Variants in DCC observed in about 807,000 individuals in gnomAD.
DCC encodes DCC netrin 1 receptor.
DCC carries 58 observed loss-of-function variants against 172.5 expected under a neutral mutation model. The ratio of observed to expected loss-of-function variants is 0.34; its 90% confidence interval spans 0.27 to 0.42. The LOEUF is 0.42. Among genes scored for constraint, DCC ranks in the 10% least tolerant of loss-of-function variants. The pLI, the probability that DCC is intolerant of heterozygous loss-of-function variation, is 1.00. For synonymous variants in DCC, 709 were observed against 644.5 expected (o/e 1.10, Z -1.52); for missense variants, 1,740 against 1,791.0 (o/e 0.97, Z 0.51).
At chr18:53,299,586 C>T (rs147636874) in intron 12 of DCC, among the ~76,000 whole-genome samples, 324 of 152,272 alleles carry the variant, frequency 2.1e-3, no homozygotes, top group African/African-American at 7.5e-3. Flanking sequence ...CTACTATAAA[C>T]CTTAGCATGT....
chr18:53,514,372 T>TAAC (rs759984323), intron 27 of DCC, among the ~76,000 whole-genome samples: 84 of 151,908 alleles, frequency 5.5e-4, no homozygotes, highest in Non-Finnish European at 1.0e-3. Context: ...ATTGACACCC[T>TAAC]AACATCACCA....
intron 2 of DCC, among the ~76,000 whole-genome samples, chr18:52,758,234 CAT>C (rs558907094): frequency 2.0e-5 from 3 of 152,276 alleles, no homozygotes; most frequent in South Asian, 4.1e-4. Context: ...AAAATAAGCT[CAT>C]AAATAATGAT....
intron 13 of DCC, among the ~76,000 whole-genome samples, chr18:53,311,534 A>C (rs1413722970): frequency 1.3e-5 from 2 of 152,200 alleles, no homozygotes; most frequent in African/African-American, 4.8e-5. Flanking sequence ...CTAACTCCTC[A>C]TTATGTGCTC....
chr18:52,566,552 C>G (rs1330595324), intron 1 of DCC, among the ~76,000 whole-genome samples: 1 of 152,088 alleles, frequency 6.6e-6, no homozygotes, highest in Non-Finnish European at 1.5e-5. Flanking sequence ...TTAATGTAAA[C>G]TGACCCAGGT....
chr18:53,374,378 A>G (rs2058088700), intron 15 of DCC, among the ~76,000 whole-genome samples: 1 of 152,222 alleles, frequency 6.6e-6, no homozygotes, highest in African/African-American at 2.4e-5. Context: ...GCAACAGTGC[A>G]CAAATAGATG....
At chr18:53,398,150 TG>T (rs1283186511) in intron 18 of DCC, among the ~76,000 whole-genome samples, 1 of 152,110 alleles carries the variant, frequency 6.6e-6, no homozygotes. Flanking sequence ...GTTTTTTTGA[TG>T]GGTTTCATAA....
chr18:53,394,539 A>G (rs1184412941), intron 17 of DCC, among the ~76,000 whole-genome samples: 3 of 152,132 alleles, frequency 2.0e-5, no homozygotes. Flanking sequence ...GATGTTTTAT[A>G]TGAATTTCTA....
intron 27 of DCC, among the ~76,000 whole-genome samples, chr18:53,509,655 GCCTGTA>G (rs2046226157): frequency 6.6e-6 from 1 of 152,216 alleles, no homozygotes; most frequent in African/African-American, 2.4e-5. Context: ...CTGTGGGTGT[GCCTGTA>G]CATTTTTCTA....
intron 25 of DCC, among the ~76,000 whole-genome samples, chr18:53,472,319 T>A (rs2045706927): frequency 6.6e-6 from 1 of 152,136 alleles, no homozygotes; most frequent in Non-Finnish European, 1.5e-5. Flanking sequence ...ACTCAAAAGG[T>A]CTGATTTCAG....
chr18:52,480,252 C>T (rs895504885), intron 1 of DCC, among the ~76,000 whole-genome samples: 3 of 151,934 alleles, frequency 2.0e-5, no homozygotes, highest in Non-Finnish European at 2.9e-5. Context: ...TAAATAAGAA[C>T]AGGGGATAGA....
At chr18:52,785,390 A>G (rs2037636877) in intron 2 of DCC, among the ~76,000 whole-genome samples, 1 of 152,178 alleles carries the variant, frequency 6.6e-6, no homozygotes, top group African/African-American at 2.4e-5. Flanking sequence ...AAGCATTACC[A>G]AAGACTCCCA....
At chr18:53,364,483 G>T (rs764926357) in intron 15 of DCC, among the ~76,000 whole-genome samples, 4 of 151,978 alleles carry the variant, frequency 2.6e-5, no homozygotes, top group Non-Finnish European at 4.4e-5. Flanking sequence ...TATGATCAGA[G>T]AGAGAACACT....
intron 1 of DCC, among the ~76,000 whole-genome samples, chr18:52,550,081 G>T (rs1401636995): frequency 6.6e-6 from 1 of 152,022 alleles, no homozygotes; most frequent in African/African-American, 2.4e-5. Context: ...CATGTTGATA[G>T]TATGTACCCT....
intron 14 of DCC, among the ~76,000 whole-genome samples, chr18:53,333,289 G>T (rs2057552504): frequency 6.6e-6 from 1 of 152,216 alleles, no homozygotes. Flanking sequence ...CATCAGACAT[G>T]CCTGGAAAGG....
chr18:53,297,469 ATTAATTTCTC>A (rs2057081574), intron 12 of DCC, among the ~76,000 whole-genome samples: 1 of 152,222 alleles, frequency 6.6e-6, no homozygotes, highest in Admixed American at 6.5e-5. Context: ...AGTGATAAGG[ATTAATTTCTC>A]CCTCTCAAGT....
intron 1 of DCC, among the ~76,000 whole-genome samples, chr18:52,570,588 AAAAC>A (rs1271392704): frequency 6.6e-6 from 1 of 152,214 alleles, no homozygotes; most frequent in African/African-American, 2.4e-5. Context: ...ATCAAAAGTG[AAAAC>A]AAACCTGTTA....
intron 2 of DCC, among the ~76,000 whole-genome samples, chr18:52,779,315 C>G (rs768830844): frequency 3.3e-5 from 5 of 152,042 alleles, no homozygotes; most frequent in Non-Finnish European, 7.4e-5. Flanking sequence ...GTGGCGCATA[C>G]CCCAACAGGC....
chr18:52,779,795 T>G (rs1386532082), intron 2 of DCC, among the ~76,000 whole-genome samples: 3 of 152,166 alleles, frequency 2.0e-5, no homozygotes, highest in African/African-American at 7.2e-5. Context: ...TCCTATTTCT[T>G]CATATCCTCT....
intron 1 of DCC, among the ~76,000 whole-genome samples, chr18:52,410,064 G>T (rs1362772827): frequency 6.6e-6 from 1 of 152,092 alleles, no homozygotes; most frequent in Admixed American, 6.5e-5. Context: ...TCAGTGTTTT[G>T]CAAAGTCATG....
Sources: allele counts gnomAD v4.1 joint callset (sites outside exome capture counted in the v4.1 genomes callset), GRCh38; gene constraint gnomAD v4.1.1; transcripts MANE v1.5; gene names NCBI Gene and HGNC (gene_info 2026-07-23, HGNC 2026-07-21).